Variants in UBE2G2 observed in about 807,000 individuals in gnomAD.
UBE2G2 encodes ubiquitin conjugating enzyme E2 G2.
In UBE2G2, 10 loss-of-function variants were observed where a neutral mutation model predicts 23.0. That is an observed-to-expected ratio of 0.43 (90% CI 0.27 to 0.74). The LOEUF is 0.74. UBE2G2 is among the 30% of genes least tolerant of loss of function. UBE2G2 has a pLI of 0.19. For missense variants in UBE2G2, 150 were observed against 218.3 expected (o/e 0.69, Z 1.97); for synonymous variants, 86 against 81.3 (o/e 1.06, Z -0.31).
intron 1 of UBE2G2, among the ~76,000 whole-genome samples, chr21:44,788,619 CTTTTCT>C (rs1210219872): frequency 2.8e-4 from 23 of 81,712 alleles, no homozygotes; most frequent in Admixed American, 1.9e-3. Context: ...AAAACATAGA[CTTTTCT>C]TTTTCTTTTT....
At chr21:44,773,309 G>A (rs569550490) in intron 5 of UBE2G2, among the ~76,000 whole-genome samples, 9 of 152,278 alleles carry the variant, frequency 5.9e-5, no homozygotes, top group African/African-American at 2.2e-4. Context: ...GGAAAAAGAC[G>A]ATCAAGGACC....
chr21:44,795,751 G>C (rs2083083280), intron 1 of UBE2G2, among the ~76,000 whole-genome samples: 1 of 60,764 alleles, frequency 1.6e-5, no homozygotes, highest in South Asian at 5.1e-4. Context: ...ATGTGAACTA[G>C]AGGAAAACTG....
At position 44,769,378 on chromosome 21, in the gene UBE2G2, A is replaced by AC. The variant is rs782703781; in HGVS notation, c.*1998_*1999insG. On this transcript the variant is annotated 3_prime_UTR_variant, in exon 6 of 6. Transcript: ENST00000345496. ...AATACGAGTTCTTGCCCTGCGTTCC[A>AC]TTTTTTTTTTTTTTTTTTTTGAGAC... 5.1e-5 allele frequency: 6 copies of AC among 117,498 alleles called. No individual in the cohort carries two copies. Among genetic ancestry groups the AC allele is most frequent in the Admixed American group, 9.3e-5 (1 of 10,780 alleles). 7.3% of individuals were successfully genotyped at this position (117,498 alleles called of 1,614,324 possible). A position where few individuals can be genotyped will look rare whatever the true frequency, so the allele number is the denominator to read the frequency against.
chr21:44,788,295 T>TG (rs2083015176), intron 1 of UBE2G2, among the ~76,000 whole-genome samples, 200 bp from the exon 2 acceptor site: 3 of 147,976 alleles, frequency 2.0e-5, no homozygotes, highest in South Asian at 4.5e-4. Context: ...TTGTTTTTTT[T>TG]TTGTTTTTTT....
intron 1 of UBE2G2, among the ~76,000 whole-genome samples, 193 bp from the exon 2 acceptor site, chr21:44,788,288 T>G (rs144113578): frequency 0.013 from 802 of 60,886 alleles, 17 homozygotes; most frequent in African/African-American, 0.04. Flanking sequence ...AGTTTTTTTG[T>G]TTTTTTTTTG....
chr21:44,782,435 G>A (rs371613246), intron 3 of UBE2G2, among the ~76,000 whole-genome samples: 2 of 152,206 alleles, frequency 1.3e-5, no homozygotes, highest in African/African-American at 4.8e-5. Context: ...GCATTTTGTA[G>A]AAATTGACAA....
At chr21:44,785,566 T>TC (rs1258081468) in intron 3 of UBE2G2, 3 of 152,210 alleles carry the variant, frequency 2.0e-5, no homozygotes, top group African/African-American at 7.2e-5. Flanking sequence ...CAACAGCCGT[T>TC]CGACTTCTGT....
chr21:44,799,123 A>C (rs1198570101), intron 1 of UBE2G2, among the ~76,000 whole-genome samples: 1 of 152,202 alleles, frequency 6.6e-6, no homozygotes, highest in East Asian at 1.9e-4. Context: ...TATATTCAGT[A>C]AACCATGCTG....
At chr21:44,780,031 T>C (rs905541983) in intron 3 of UBE2G2, among the ~76,000 whole-genome samples, 1 of 152,202 alleles carries the variant, frequency 6.6e-6, no homozygotes, top group Admixed American at 6.5e-5. Context: ...CCAAATGGTA[T>C]TTGCTCAATA....
intron 1 of UBE2G2, among the ~76,000 whole-genome samples, chr21:44,789,885 C>T (rs1400977111): frequency 2.0e-5 from 3 of 151,976 alleles, no homozygotes; most frequent in South Asian, 2.1e-4. Flanking sequence ...TAAGAAGAAA[C>T]GAGAGATTTG....
chr21:44,784,857 C>T (rs781873365), intron 3 of UBE2G2, among the ~76,000 whole-genome samples: 4 of 152,208 alleles, frequency 2.6e-5, no homozygotes, highest in Non-Finnish European at 4.4e-5. Context: ...ATGAACCAGA[C>T]AAGAAGGTCA....
At chr21:44,788,671 A>G (rs1321416765) in intron 1 of UBE2G2, among the ~76,000 whole-genome samples, 2 of 151,854 alleles carry the variant, frequency 1.3e-5, no homozygotes, top group South Asian at 2.1e-4. Flanking sequence ...TAAGGGGTAC[A>G]CTGTCTTTCC....
chr21:44,782,046 T>C (rs2838683), intron 3 of UBE2G2, among the ~76,000 whole-genome samples: 17,439 of 152,142 alleles, frequency 0.11, 1,981 homozygotes, highest in African/African-American at 0.29. Flanking sequence ...ACAATCACTT[T>C]TACAACATAA....
At chr21:44,795,804 C>T (rs1555963669) in intron 1 of UBE2G2, among the ~76,000 whole-genome samples, 1 of 152,122 alleles carries the variant, frequency 6.6e-6, no homozygotes, top group Non-Finnish European at 1.5e-5. Flanking sequence ...CATTATAACC[C>T]TGGTTATTTA....
rs782104905 is a variant in UBE2G2 at position 44,771,366 on chromosome 21, G to A, written c.*11C>T. On this transcript the variant is annotated 3_prime_UTR_variant, in exon 6 of 6. Coordinates refer to ENST00000345496, the MANE Select transcript of UBE2G2 (RefSeq NM_003343.6). This position sits in a 1 kb window ranked among gnomAD's most constrained non-coding sequence, Gnocchi z 4.6. ...CTTGGCGGTGTGTGCGCGCCTGTGCGAGGCCAGGTCTCACAGTCCCAGAGA... is the reference window on the plus strand; with the variant it reads ...CTTGGCGGTGTGTGCGCGCCTGTGCAAGGCCAGGTCTCACAGTCCCAGAGA... 3.1e-5 allele frequency: 50 copies of A among 1,611,132 alleles called. No individual in the cohort carries two copies. The South Asian group carries it at 4.3e-4, about 14-fold the overall frequency.
chr21:44,799,075 A>T (rs1342855220), intron 1 of UBE2G2, among the ~76,000 whole-genome samples: 1 of 152,196 alleles, frequency 6.6e-6, no homozygotes, highest in Non-Finnish European at 1.5e-5. Flanking sequence ...TTTTGAAGAT[A>T]ATCTTTTTTT....
Position 44,771,137 on chromosome 21 carries a change from T to C in UBE2G2, c.*240A>G, listed in dbSNP as rs1246227379. Reference sequence around the variant, plus strand: ...GTGCTGACAGCTCTGATAATCTACCTGAAGCCCTTTGTGAGGAATACTGTA... The same window carrying C: ...GTGCTGACAGCTCTGATAATCTACCCGAAGCCCTTTGTGAGGAATACTGTA... On this transcript the variant is annotated 3_prime_UTR_variant, in exon 6 of 6. Coordinates refer to ENST00000345496, the MANE Select transcript of UBE2G2 (RefSeq NM_003343.6). This position sits in a 1 kb window ranked among gnomAD's most constrained non-coding sequence, Gnocchi z 4.6. 11 of 503,292 alleles carry C rather than the reference T, an allele frequency of 2.2e-5. No individual in the cohort carries two copies. The highest frequency in any genetic ancestry group is 3.9e-5 in the Non-Finnish European group (11 of 282,354). 31.2% of individuals were successfully genotyped at this position (503,292 alleles called of 1,614,324 possible). A position where few individuals can be genotyped will look rare whatever the true frequency, so the allele number is the denominator to read the frequency against.
chr21:44,778,110 G>A (rs1261020080), intron 3 of UBE2G2, among the ~76,000 whole-genome samples: 1 of 152,236 alleles, frequency 6.6e-6, no homozygotes, highest in Non-Finnish European at 1.5e-5. Context: ...TTAGGATAAG[G>A]GTATGAATTA....
At position 44,777,387 on chromosome 21, in the gene UBE2G2, A is replaced by G; in HGVS notation, c.156T>C (p.Gly52=). ...MGPEDTCFEF[G]VFPAILSFPL... ...GGAAACTCAGGATGGCAGGAAAAAC[A>G]CCAAACTCAAAGCAGGTGTCTTCTG... Residue 52 remains glycine (G), a synonymous_variant, in exon 4 of 6, where the codon GGT becomes GGC. Transcript: ENST00000345496. 6.2e-7 allele frequency: 1 copy of G among 1,614,110 alleles called. No individual in the cohort carries two copies. Among genetic ancestry groups the G allele is most frequent in the Non-Finnish European group, 8.5e-7 (1 of 1,180,018 alleles).
Sources: allele counts gnomAD v4.1 joint callset (sites outside exome capture counted in the v4.1 genomes callset), GRCh38; gene constraint gnomAD v4.1.1; non-coding constraint Gnocchi (gnomAD v3.1); transcripts MANE v1.5; gene names NCBI Gene and HGNC (gene_info 2026-07-23, HGNC 2026-07-21).